Variants in WDR49 observed in about 807,000 individuals in gnomAD.
WDR49 encodes WD repeat domain 49, also known as cilia- and flagella-associated protein 337.
WDR49 carries 107 observed loss-of-function variants against 119.5 expected under a neutral mutation model. The observed-to-expected ratio is 0.90, with a 90% CI of 0.77 to 1.05. WDR49 has a LOEUF of 1.05. Ranked by LOEUF, WDR49 falls within the 50% of genes least tolerant of loss-of-function variation. The pLI is 0.00. For missense variants in WDR49, 1,240 were observed against 1,220.5 expected, an observed-to-expected ratio of 1.02 and a Z score of -0.24; for synonymous variants, 425 against 418.8, an observed-to-expected ratio of 1.01 and a Z score of -0.18.
At chr3:167,540,736 C>T (rs1711765827) in intron 10 of WDR49, among the ~76,000 whole-genome samples, 1 of 151,128 alleles carries the variant, frequency 6.6e-6, no homozygotes, top group Admixed American at 6.6e-5. Flanking sequence ...ATTCAGAAGG[C>T]AGATTATTAA....
At chr3:167,573,426 ACAC>A (rs1299732349) in intron 8 of WDR49, among the ~76,000 whole-genome samples, 2 of 148,336 alleles carry the variant, frequency 1.3e-5, no homozygotes, top group Non-Finnish European at 3.0e-5. Context: ...ACACACACAC[ACAC>A]AACACAAATA....
In WDR49 at chr3:167,503,300, C is replaced by T. The variant is rs186524847; in HGVS notation, c.2884+2007G>A. Among the ~76,000 whole-genome samples the T allele has an allele frequency of 7.2e-4, 109 of 152,294 alleles. 1 individual carries two copies. Among genetic ancestry groups the T allele is most frequent in the South Asian group, 2.5e-3 (12 of 4,828 alleles). Reference sequence around the variant, plus strand: ...CAAGAAACCTGCAGCAGGGCATAGCCCTCACAGAGAATATCTGCTACCACA... The same window carrying T: ...CAAGAAACCTGCAGCAGGGCATAGCTCTCACAGAGAATATCTGCTACCACA... On this transcript the variant is annotated intron_variant, in intron 17 of 18. Coordinates refer to ENST00000682715, the MANE Select transcript of WDR49 (RefSeq NM_001366157.1).
chr3:167,565,710 G>A (rs1439092466), intron 8 of WDR49, among the ~76,000 whole-genome samples: 3 of 152,114 alleles, frequency 2.0e-5, no homozygotes, highest in Non-Finnish European at 4.4e-5. Context: ...TCAAGGAATA[G>A]CAAGGAAGCC....
intron 2 of WDR49, among the ~76,000 whole-genome samples, chr3:167,652,781 T>G (rs1310146697): frequency 2.6e-5 from 4 of 152,148 alleles, no homozygotes; most frequent in Non-Finnish European, 5.9e-5. Flanking sequence ...AGTGCCAGAA[T>G]CAGCTTAGAA....
At chr3:167,555,035 G>C (rs1056537249) in intron 9 of WDR49, among the ~76,000 whole-genome samples, 2 of 152,062 alleles carry the variant, frequency 1.3e-5, no homozygotes, top group Non-Finnish European at 2.9e-5. Flanking sequence ...ATAGTATTTA[G>C]TATGCTAATG....
intron 2 of WDR49, among the ~76,000 whole-genome samples, chr3:167,628,046 T>C (rs1156288422): frequency 6.6e-6 from 1 of 152,064 alleles, no homozygotes; most frequent in Non-Finnish European, 1.5e-5. Context: ...ATGTTACTAC[T>C]GTAATTGTTT....
At chr3:167,649,291 A>G (rs1307446809) in intron 2 of WDR49, among the ~76,000 whole-genome samples, 1 of 152,102 alleles carries the variant, frequency 6.6e-6, no homozygotes, top group East Asian at 1.9e-4. Flanking sequence ...GAAGCTTGAC[A>G]GTTTAGAAAG....
chr3:167,542,190 G>A (rs1046731716), intron 10 of WDR49, among the ~76,000 whole-genome samples: 4 of 152,032 alleles, frequency 2.6e-5, no homozygotes, highest in Non-Finnish European at 5.9e-5. Context: ...CAGTAACTGG[G>A]GGACTTCAGT....
intron 7 of WDR49, among the ~76,000 whole-genome samples, chr3:167,598,556 C>T (rs2108302788): frequency 6.6e-6 from 1 of 152,284 alleles, no homozygotes; most frequent in Middle Eastern, 3.4e-3. Context: ...ACCCCACTCT[C>T]TTTCTCCTGC....
chr3:167,487,000 T>C (rs975756454), intron 18 of WDR49, among the ~76,000 whole-genome samples: 1 of 152,086 alleles, frequency 6.6e-6, no homozygotes, highest in African/African-American at 2.4e-5. Flanking sequence ...ATAAATGTCA[T>C]TCATTTCAGA....
chr3:167,568,412 T>C (rs532028307), intron 8 of WDR49, among the ~76,000 whole-genome samples: 3 of 152,322 alleles, frequency 2.0e-5, no homozygotes, highest in East Asian at 3.9e-4. Flanking sequence ...GCCTTTCTTA[T>C]AGCAACCTGC....
At chr3:167,516,537 G>T (rs575278464) in intron 16 of WDR49, among the ~76,000 whole-genome samples, 32 of 152,170 alleles carry the variant, frequency 2.1e-4, no homozygotes, top group Middle Eastern at 6.8e-3. Context: ...CGTCGTTATT[G>T]TGAATAGTGC....
intron 8 of WDR49, among the ~76,000 whole-genome samples, chr3:167,573,701 C>A (rs574402100): frequency 6.6e-6 from 1 of 152,184 alleles, no homozygotes; most frequent in South Asian, 2.1e-4. Flanking sequence ...TCCCAGAGGT[C>A]CAAGATCACA....
At chr3:167,616,028 C>T (rs1297596548) in intron 5 of WDR49, among the ~76,000 whole-genome samples, 1 of 152,116 alleles carries the variant, frequency 6.6e-6, no homozygotes, top group Non-Finnish European at 1.5e-5. Flanking sequence ...TCTTCTTAGT[C>T]GGATGTTAGA....
chr3:167,619,200 T>G (rs945211765), intron 5 of WDR49, among the ~76,000 whole-genome samples: 1 of 152,150 alleles, frequency 6.6e-6, no homozygotes, highest in African/African-American at 2.4e-5. Flanking sequence ...ATTATTATAA[T>G]CTAGTCTTTG....
chr3:167,578,219 C>T (rs1205529756), intron 7 of WDR49, among the ~76,000 whole-genome samples: 1 of 152,016 alleles, frequency 6.6e-6, no homozygotes, highest in Non-Finnish European at 1.5e-5. Flanking sequence ...TCTTTGTTTC[C>T]ACTTTCTCTC....
rs1717167709 is a variant in WDR49, at chr3:167,627,175, C to T, written c.283G>A (p.Val95Met). The change falls in exon 3 of 19, where the codon GTG becomes ATG. Residue 95 changes from valine to methionine, a missense_variant. Val to Met is a conservative substitution (Grantham distance 21). Coordinates refer to ENST00000682715, the MANE Select transcript of WDR49 (RefSeq NM_001366157.1). Reference sequence around the variant, plus strand: ...CAATTAATGAAGCCATCTTGGGCCACATCCACTTTGTCAAAGAGCTCCCCA... The same window carrying T: ...CAATTAATGAAGCCATCTTGGGCCATATCCACTTTGTCAAAGAGCTCCCCA... Reference protein sequence around the residue: ...EYGELFDKVDVAQDGFINWDK... With the variant: ...EYGELFDKVDMAQDGFINWDK... 4 of 1,258,776 alleles carry T rather than the reference C, an allele frequency of 3.2e-6. No homozygotes were observed. Among genetic ancestry groups the T allele is most frequent in the Non-Finnish European group, 4.0e-6 (4 of 1,003,006 alleles). 78.0% of individuals were successfully genotyped at this position (1,258,776 alleles called of 1,614,324 possible).
At chr3:167,556,998 C>T (rs925592340) in intron 9 of WDR49, among the ~76,000 whole-genome samples, 1 of 152,082 alleles carries the variant, frequency 6.6e-6, no homozygotes, top group African/African-American at 2.4e-5. Context: ...GCACTCTAGC[C>T]TGAGTGACAG....
intron 7 of WDR49, among the ~76,000 whole-genome samples, chr3:167,585,035 T>G (rs1365182021): frequency 6.6e-6 from 1 of 152,130 alleles, no homozygotes; most frequent in South Asian, 2.1e-4. Flanking sequence ...TTTTGTTTTT[T>G]TCATTCAAAA....
Sources: allele counts gnomAD v4.1 joint callset (sites outside exome capture counted in the v4.1 genomes callset), GRCh38; gene constraint gnomAD v4.1.1; transcripts MANE v1.5; gene names NCBI Gene and HGNC (gene_info 2026-07-23, HGNC 2026-07-21).